The following CYBB variants were observed in gnomAD, a reference collection of about 807,000 sequenced individuals.
The protein encoded by CYBB is NADPH oxidase 2.
In CYBB, 5 loss-of-function variants were observed where a neutral mutation model predicts 46.5. That is an observed-to-expected ratio of 0.11 (90% CI 0.06 to 0.23). The LOEUF (loss-of-function observed/expected upper bound fraction) is 0.23, where lower values mean the gene tolerates loss of function less well. CYBB is among the 10% of genes least tolerant of loss of function. The probability of loss-of-function intolerance (pLI) is 1.00; values close to 1 mark genes in which losing one functional copy is unlikely to be tolerated. For missense variants in CYBB, 307 were observed against 428.3 expected (o/e 0.72, Z 2.50); for synonymous variants, 183 against 156.7 (o/e 1.17, Z -1.26).
chrX:37,794,178 T>C (rs1171429885), intron 5 of CYBB, among the ~76,000 whole-genome samples: 2 of 112,040 alleles, frequency 1.8e-5, no homozygotes, highest in Non-Finnish European at 3.8e-5. Context: ...ATCTCACACC[T>C]TGAGGAACTC....
chrX:37,787,390 C>T (rs994186297), intron 3 of CYBB, among the ~76,000 whole-genome samples: 4 of 111,872 alleles, frequency 3.6e-5, no homozygotes, highest in Non-Finnish European at 7.5e-5. Flanking sequence ...AAGTGTTACA[C>T]CCCATAAAAT....
intron 5 of CYBB, among the ~76,000 whole-genome samples, chrX:37,795,192 T>C (rs1556468048): frequency 9.0e-6 from 1 of 111,688 alleles, no homozygotes; most frequent in East Asian, 2.8e-4. Flanking sequence ...TAAAGTCCCT[T>C]TTCTCACAGG....
intron 9 of CYBB, 126 bp from the exon 10 acceptor site, chrX:37,804,880 G>T: frequency 1.4e-6 from 1 of 700,353 alleles, no homozygotes; most frequent in Non-Finnish European, 2.2e-6. Context: ...ATAGAAGGAA[G>T]CACCCAATAG....
intron 7 of CYBB, 60 bp downstream of exon 7, chrX:37,799,144 T>C: frequency 9.3e-7 from 1 of 1,076,055 alleles, no homozygotes; most frequent in Non-Finnish European, 1.3e-6. Context: ...AACCTGTGTC[T>C]AAGAAACATG....
chrX:37,800,503 G>A (rs1556469601), intron 7 of CYBB, among the ~76,000 whole-genome samples: 1 of 111,135 alleles, frequency 9.0e-6, no homozygotes, highest in African/African-American at 3.3e-5. Flanking sequence ...TTCCCCCTTA[G>A]AATACATTCC....
At chrX:37,802,295 A>T (rs1463686178) in intron 8 of CYBB, among the ~76,000 whole-genome samples, 1 of 111,752 alleles carries the variant, frequency 8.9e-6, no homozygotes, top group African/African-American at 3.2e-5. Flanking sequence ...GAACAATCCC[A>T]CAGATCAGCA....
intron 2 of CYBB, 35 bp downstream of exon 2, chrX:37,782,218 G>T: frequency 3.3e-6 from 3 of 921,265 alleles, no homozygotes; most frequent in Non-Finnish European, 4.7e-6. Flanking sequence ...AATATTGGCT[G>T]GTTCACATTT....
At chrX:37,793,907 A>G in intron 5 of CYBB, 97 bp downstream of exon 5, 3 of 889,181 alleles carry the variant, frequency 3.4e-6, no homozygotes, top group Non-Finnish European at 4.8e-6. Flanking sequence ...CAAAAAAAAA[A>G]AAAGTTGGCT....
intron 2 of CYBB, 138 bp downstream of exon 2, chrX:37,782,321 G>A: frequency 2.0e-6 from 1 of 508,257 alleles, no homozygotes; most frequent in Non-Finnish European, 3.5e-6. Context: ...TCCCTCCATT[G>A]CAACTTCCTG....
chrX:37,805,725 A>G (rs12011274), intron 10 of CYBB, among the ~76,000 whole-genome samples: 6,019 of 110,390 alleles, frequency 0.055, 422 homozygotes, highest in African/African-American at 0.19. Context: ...CACTCACCCA[A>G]TACTTTTTTT....
At chrX:37,783,041 C>A (rs981490803) in intron 2 of CYBB, among the ~76,000 whole-genome samples, 1 of 110,907 alleles carries the variant, frequency 9.0e-6, no homozygotes, top group East Asian at 2.8e-4. Flanking sequence ...CTTTAAAAGT[C>A]TTGATACTTA....
intron 1 of CYBB, 150 bp downstream of exon 1, chrX:37,780,272 G>A (rs782671084): frequency 6.7e-5 from 33 of 495,240 alleles, no homozygotes; most frequent in African/African-American, 5.3e-4. Context: ...AACAGACTGA[G>A]TCCATTCTTC....
chrX:37,793,720 C>T lies in CYBB; in HGVS notation c.393C>T (p.Val131=). Residue 131 remains valine, a synonymous_variant, in exon 5 of 13, where the codon GTC becomes GTT. Transcript: ENST00000378588. ...FNVEWCVNAR[V]NNSDPYSVAL... Reference sequence around the variant, plus strand: ...TGGAATGGTGTGTGAATGCCCGAGTCAATAATTCTGATCCTTATTCAGTAG... The same window carrying T: ...TGGAATGGTGTGTGAATGCCCGAGTTAATAATTCTGATCCTTATTCAGTAG... 1 of 1,206,905 alleles carries T rather than the reference C, an allele frequency of 8.3e-7. No individual in the cohort carries two copies. Among genetic ancestry groups the T allele is most frequent in the Non-Finnish European group, 1.1e-6 (1 of 891,875 alleles).
At chrX:37,799,118 A>G in intron 7 of CYBB, 34 bp downstream of exon 7, 1 of 1,166,000 alleles carries the variant, frequency 8.6e-7, no homozygotes, top group Non-Finnish European at 1.2e-6. Flanking sequence ...TTACAGTTTC[A>G]TTACTGACAA....
At chrX:37,799,499 A>G (rs1356258257) in intron 7 of CYBB, among the ~76,000 whole-genome samples, 1 of 111,475 alleles carries the variant, frequency 9.0e-6, no homozygotes, top group Non-Finnish European at 1.9e-5. Context: ...TACTTTCTAT[A>G]CAGCTTTCCA....
chrX:37,798,526 C>G (rs1489774047), intron 6 of CYBB, among the ~76,000 whole-genome samples: 2 of 112,113 alleles, frequency 1.8e-5, no homozygotes, highest in African/African-American at 6.5e-5. Context: ...AGTTAGCCCA[C>G]ACTTTGATGA....
chrX:37,786,867 G>A (rs905211923), intron 3 of CYBB, among the ~76,000 whole-genome samples: 14 of 110,703 alleles, frequency 1.3e-4, no homozygotes, highest in Non-Finnish European at 1.9e-4. Flanking sequence ...CTTTAATCAC[G>A]TGGTCTAGCA....
Position 37,793,697 on chromosome X carries a change from G to C in CYBB, c.370G>C (p.Glu124Gln), listed in dbSNP as rs1929244125. The C allele has an allele frequency of 8.3e-7, 1 of 1,205,209 alleles. No individual in the cohort carries two copies. The highest frequency in any genetic ancestry group is 1.8e-5 in the African/African-American group (1 of 56,738). The change falls in exon 5 of 13, where the codon GAA becomes CAA. Residue 124 changes from glutamate (E) to glutamine (Q), a missense_variant. This residue lies in a region of CYBB where 103 missense variants were observed against 150.2 expected (regional missense o/e 0.69). Coordinates refer to ENST00000378588, the MANE Select transcript of CYBB (RefSeq NM_000397.4). ...CACCATTGCACATCTATTTAATGTG[G>C]AATGGTGTGTGAATGCCCGAGTCAA... is the stretch of plus-strand genomic sequence containing the variant. ...IHTIAHLFNVEWCVNARVNNS... is the reference protein window; with the variant it reads ...IHTIAHLFNVQWCVNARVNNS...
intron 5 of CYBB, 84 bp from the exon 6 acceptor site, chrX:37,795,867 C>A: frequency 8.4e-6 from 6 of 714,474 alleles, no homozygotes; most frequent in Non-Finnish European, 1.3e-5. Flanking sequence ...CATTTGAGAA[C>A]CTATAATATT....
Sources: allele counts gnomAD v4.1 joint callset (sites outside exome capture counted in the v4.1 genomes callset), GRCh38; gene constraint gnomAD v4.1.1; regional missense constraint gnomAD v4.1.1; transcripts MANE v1.5; gene names NCBI Gene and HGNC (gene_info 2026-07-23, HGNC 2026-07-21).